The following MAGI1 variants were observed in gnomAD, a reference collection of about 807,000 sequenced individuals.
MAGI1 encodes the protein membrane-associated guanylate kinase, WW and PDZ domain-containing protein 1.
Under a neutral mutation model 139.9 loss-of-function variants are expected in MAGI1, and 58 were observed. The ratio of observed to expected loss-of-function variants is 0.41; its 90% CI spans 0.34 to 0.52. The LOEUF is 0.52. MAGI1 is among the 20% of genes least tolerant of loss of function. The pLI is 0.12. For synonymous variants in MAGI1, 812 were observed against 737.9 expected (o/e 1.10, Z -1.63); for missense variants, 1,874 against 1,901.6 (o/e 0.99, Z 0.27).
intron 1 of MAGI1, among the ~76,000 whole-genome samples, chr3:65,713,491 A>C (rs1248408880): frequency 6.6e-6 from 1 of 152,210 alleles, no homozygotes; most frequent in African/African-American, 2.4e-5. Flanking sequence ...CCCTTCCAAT[A>C]TAATACTGGC....
chr3:65,923,729 A>G (rs1277395136), intron 1 of MAGI1, among the ~76,000 whole-genome samples: 1 of 152,178 alleles, frequency 6.6e-6, no homozygotes, highest in African/African-American at 2.4e-5. Context: ...ATAAGAGATA[A>G]GGTTGGCCAA....
At chr3:65,516,971 G>T (rs955625501) in intron 2 of MAGI1, among the ~76,000 whole-genome samples, 1 of 151,178 alleles carries the variant, frequency 6.6e-6, no homozygotes, top group African/African-American at 2.4e-5. Flanking sequence ...CTCGTGATCC[G>T]CCCGCCTCGG....
intron 21 of MAGI1, 114 bp from the exon 22 acceptor site, chr3:65,361,451 C>G (rs189734618): frequency 1.0e-6 from 1 of 991,600 alleles, no homozygotes; most frequent in East Asian, 2.5e-5. Flanking sequence ...GTGACAAAAA[C>G]AAACAGAAAT....
At chr3:65,454,816 A>G (rs945750963) in intron 5 of MAGI1, among the ~76,000 whole-genome samples, 6 of 151,978 alleles carry the variant, frequency 3.9e-5, no homozygotes. Flanking sequence ...AACAAAAGGT[A>G]ATATAGCAAC....
At chr3:65,870,513 G>C (rs1480440205) in intron 1 of MAGI1, among the ~76,000 whole-genome samples, 2 of 151,806 alleles carry the variant, frequency 1.3e-5, no homozygotes, top group Non-Finnish European at 2.9e-5. Flanking sequence ...AAATGAGAAA[G>C]AGAGCAGGGA....
At chr3:65,894,592 G>C (rs750127542) in intron 1 of MAGI1, among the ~76,000 whole-genome samples, 1 of 152,184 alleles carries the variant, frequency 6.6e-6, no homozygotes, top group Non-Finnish European at 1.5e-5. Context: ...TTGAGGATTC[G>C]TGTAAGAAAA....
At chr3:65,692,752 G>C (rs1429245989) in intron 1 of MAGI1, among the ~76,000 whole-genome samples, 1 of 152,116 alleles carries the variant, frequency 6.6e-6, no homozygotes, top group Non-Finnish European at 1.5e-5. Context: ...GAGTTGTCAT[G>C]AGACTGAGTC....
intron 1 of MAGI1, among the ~76,000 whole-genome samples, chr3:65,878,446 G>C (rs1219279594): frequency 6.7e-6 from 1 of 149,132 alleles, no homozygotes; most frequent in Non-Finnish European, 1.5e-5. Context: ...AACCTGGGAA[G>C]CAGAGGTTGC....
At chr3:65,796,317 T>A (rs2040146255) in intron 1 of MAGI1, among the ~76,000 whole-genome samples, 1 of 152,234 alleles carries the variant, frequency 6.6e-6, no homozygotes, top group South Asian at 2.1e-4. Context: ...GAAAGGGTAA[T>A]CTGCTTTGCT....
chr3:65,746,403 GA>G (rs749528572), intron 1 of MAGI1, among the ~76,000 whole-genome samples: 18 of 152,058 alleles, frequency 1.2e-4, no homozygotes, highest in Non-Finnish European at 2.9e-5. Context: ...TTCTATATAG[GA>G]TGATAAATTC....
At chr3:65,522,993 T>C (rs1028562797) in intron 2 of MAGI1, among the ~76,000 whole-genome samples, 5 of 152,158 alleles carry the variant, frequency 3.3e-5, no homozygotes, top group Admixed American at 6.5e-5. Flanking sequence ...ATCATTACTA[T>C]GGGTTCTCAT....
intron 1 of MAGI1, among the ~76,000 whole-genome samples, chr3:65,706,577 G>A (rs1434486158): frequency 6.6e-6 from 1 of 152,218 alleles, no homozygotes; most frequent in African/African-American, 2.4e-5. Flanking sequence ...AATAAGGACA[G>A]AAGAAGGCTT....
intron 1 of MAGI1, among the ~76,000 whole-genome samples, chr3:65,753,262 G>C (rs2036298377): frequency 6.6e-6 from 1 of 152,056 alleles, no homozygotes; most frequent in South Asian, 2.1e-4. Flanking sequence ...AAACTGTCCA[G>C]GCTCGTCAGA....
chr3:65,657,019 A>T (rs967815659), intron 1 of MAGI1, among the ~76,000 whole-genome samples: 2 of 151,366 alleles, frequency 1.3e-5, no homozygotes, highest in Non-Finnish European at 1.5e-5. Flanking sequence ...ATAGCAAAAA[A>T]GATGATAATG....
chr3:65,530,475 G>T (rs1020964538), intron 2 of MAGI1, among the ~76,000 whole-genome samples: 1 of 151,578 alleles, frequency 6.6e-6, no homozygotes, highest in Non-Finnish European at 1.5e-5. Flanking sequence ...TTACCCGGGT[G>T]TGGTGGTGTG....
chr3:65,559,468 T>C (rs2080236577), intron 2 of MAGI1, among the ~76,000 whole-genome samples: 1 of 152,250 alleles, frequency 6.6e-6, no homozygotes, highest in Non-Finnish European at 1.5e-5. Context: ...AAAATATTTA[T>C]CTACATATTA....
rs1196145979 is a variant in MAGI1 at position 65,801,800 on chromosome 3, C to T, written c.314-179712G>A. On this transcript the variant is annotated intron_variant, in intron 1 of 22. Transcript: ENST00000402939. ...CTATAAGATTTTCTACTTTATTAAC[C>T]CCTAAAGCAGGGGTCCCCAAACCCC... Among the ~76,000 whole-genome samples the T allele has an allele frequency of 2.0e-5, 3 of 152,040 alleles. No homozygotes were observed. The East Asian group carries it at 5.8e-4, about 29-fold the overall frequency.
rs191349259 is a variant in MAGI1, at chr3:65,927,458, G to A, written c.313+110538C>T. 1.4e-3 allele frequency among the ~76,000 whole-genome samples: 207 copies of A among 152,342 alleles called. No homozygotes were observed. In the Middle Eastern group the frequency reaches 0.02, roughly 15 times the overall value. On this transcript the variant is annotated intron_variant, in intron 1 of 22. Coordinates refer to ENST00000402939, the MANE Select transcript of MAGI1 (RefSeq NM_001033057.2). ...GATCCAAAGCCATTTAATGCCACAA[G>A]TGTGAACTGCTCCCAATGCCCTCAC...
chr3:65,368,159 G>A (rs1941617552), intron 18 of MAGI1, among the ~76,000 whole-genome samples: 1 of 152,098 alleles, frequency 6.6e-6, no homozygotes, highest in South Asian at 2.1e-4. Context: ...ACTACTTACG[G>A]TGGAAAAAAT....
Sources: allele counts gnomAD v4.1 joint callset (sites outside exome capture counted in the v4.1 genomes callset), GRCh38; gene constraint gnomAD v4.1.1; transcripts MANE v1.5; gene names NCBI Gene and HGNC (gene_info 2026-07-23, HGNC 2026-07-21).